FRMPD4: variants seen among roughly 807,000 people sequenced by gnomAD.
The protein encoded by FRMPD4 is FERM and PDZ domain containing 4.
In FRMPD4, 22 loss-of-function variants were observed where a neutral mutation model predicts 94.1. That is an observed-to-expected ratio of 0.23 (90% confidence interval 0.17 to 0.33). FRMPD4 has a LOEUF of 0.33. Ranked by LOEUF, FRMPD4 falls within the 10% of genes least tolerant of loss-of-function variation. The pLI is 1.00. For missense variants in FRMPD4, 1,111 were observed against 1,339.9 expected, an observed-to-expected ratio of 0.83 and a Z score of 2.67; for synonymous variants, 631 against 548.6, an observed-to-expected ratio of 1.15 and a Z score of -2.10.
intron 1 of FRMPD4, among the ~76,000 whole-genome samples, chrX:12,484,202 GA>G (rs1333812627): frequency 8.9e-6 from 1 of 112,089 alleles, no homozygotes; most frequent in Admixed American, 9.4e-5. Context: ...TTTAAAGAAA[GA>G]AAAAAATTAA....
At chrX:12,327,225 T>G (rs1191000400) in intron 1 of FRMPD4, among the ~76,000 whole-genome samples, 1 of 112,687 alleles carries the variant, frequency 8.9e-6, no homozygotes, top group Admixed American at 9.4e-5. Context: ...ACTGAAATCT[T>G]CACCATAATG....
At position 11,965,495 on chromosome X, in the gene FRMPD4, A is replaced by G. The variant is rs188957329; in HGVS notation, c.95+87477A>G. 6.1e-3 allele frequency among the ~76,000 whole-genome samples: 685 copies of G among 112,164 alleles called. 3 individuals carry two copies. The highest frequency in any genetic ancestry group is 0.021 in the African/African-American group (657 of 30,900). Reference sequence around the variant, plus strand: ...ATAACTTATATCAGAGTCTAAAAACATGATTTCTGCCTATTTAGATCAATT... The same window carrying G: ...ATAACTTATATCAGAGTCTAAAAACGTGATTTCTGCCTATTTAGATCAATT... On this transcript the variant is annotated intron_variant, in intron 3 of 18. Transcript: ENST00000640291.
intron 4 of FRMPD4, among the ~76,000 whole-genome samples, chrX:12,631,006 G>C (rs1021583233): frequency 2.7e-5 from 3 of 111,171 alleles, no homozygotes; most frequent in African/African-American, 9.8e-5. Context: ...CTTCAACACA[G>C]AGCTCCCAGT....
intron 3 of FRMPD4, among the ~76,000 whole-genome samples, chrX:11,961,798 A>G (rs780618774): frequency 8.9e-6 from 1 of 111,976 alleles, no homozygotes; most frequent in Non-Finnish European, 1.9e-5. Flanking sequence ...TTTGAGTGTG[A>G]GTCAAACACC....
intron 3 of FRMPD4, among the ~76,000 whole-genome samples, chrX:12,088,778 T>C (rs1011453244): frequency 5.3e-5 from 6 of 112,512 alleles, no homozygotes; most frequent in African/African-American, 1.6e-4. Context: ...TTTGCTCCTT[T>C]TTCCTGTCAG....
intron 1 of FRMPD4, among the ~76,000 whole-genome samples, chrX:12,146,389 G>T: frequency 9.1e-6 from 1 of 109,314 alleles, no homozygotes; most frequent in East Asian, 2.8e-4. Context: ...AAGAAAAAGA[G>T]AACCATATTT....
chrX:11,951,224 C>T (rs1260082561), intron 3 of FRMPD4, among the ~76,000 whole-genome samples: 1 of 111,016 alleles, frequency 9.0e-6, no homozygotes, highest in Admixed American at 9.6e-5. Context: ...CCATTCGACC[C>T]AGCAATCCCA....
rs797005075 is a variant in FRMPD4 at position 12,066,828 on chromosome X, TA to T, written c.95+188821del. On this transcript the variant is annotated intron_variant, in intron 3 of 18. Transcript: ENST00000640291. ...TTCTCTAGTTTATATTCCAAATACCTAAAAAAAAAAACAGAGCAGCAGTCCC... is the reference window on the plus strand; with the variant it reads ...TTCTCTAGTTTATATTCCAAATACCTAAAAAAAAAACAGAGCAGCAGTCCC... Among the ~76,000 whole-genome samples, 693 of 100,063 alleles carry T rather than the reference TA, an allele frequency of 6.9e-3. 3 individuals are homozygous for T. Among genetic ancestry groups the T allele is most frequent in the Middle Eastern group, 0.025 (5 of 204 alleles). 86.9% of individuals were successfully genotyped at this position (100,063 alleles called of 115,157 possible).
intron 3 of FRMPD4, among the ~76,000 whole-genome samples, chrX:12,085,885 A>G (rs2055104978): frequency 8.9e-6 from 1 of 112,001 alleles, no homozygotes. Context: ...AAATTCTGAG[A>G]TTGGACAGAT....
intron 3 of FRMPD4, among the ~76,000 whole-genome samples, chrX:12,076,647 A>T (rs2055021132): frequency 9.1e-6 from 1 of 110,246 alleles, no homozygotes; most frequent in African/African-American, 3.3e-5. Flanking sequence ...GAGATCAAGG[A>T]CCCTCAAAAA....
At chrX:11,890,190 A>G (rs1300862077) in intron 3 of FRMPD4, among the ~76,000 whole-genome samples, 1 of 112,701 alleles carries the variant, frequency 8.9e-6, no homozygotes, top group African/African-American at 3.2e-5. Context: ...ATTTGAGAAA[A>G]TCAAAGTTTA....
chrX:12,461,682 A>G (rs905648795), intron 1 of FRMPD4, among the ~76,000 whole-genome samples: 9 of 111,925 alleles, frequency 8.0e-5, no homozygotes, highest in Non-Finnish European at 1.7e-4. Context: ...CTGAGAGAGG[A>G]TAAATAACCT....
rs137891446 is a variant in FRMPD4, at chrX:12,676,284, G to C, written c.468+1376G>C. 3.2e-3 allele frequency among the ~76,000 whole-genome samples: 364 copies of C among 112,214 alleles called. 1 individual carries two copies. The highest frequency in any genetic ancestry group is 0.011 in the African/African-American group (340 of 30,910). ...ATGTGCTTCTATAAAAAATACAGCT[G>C]GGCTGTTTTTAGATTGTTTTGGTTA... On this transcript the variant is annotated intron_variant, in intron 5 of 16. Coordinates refer to ENST00000675598, the MANE Select transcript of FRMPD4 (RefSeq NM_001368397.1).
At chrX:11,969,844 G>T (rs2147379870) in intron 3 of FRMPD4, among the ~76,000 whole-genome samples, 1 of 111,491 alleles carries the variant, frequency 9.0e-6, no homozygotes, top group South Asian at 3.9e-4. Flanking sequence ...TTAATGAGTT[G>T]CTTTATCCTT....
At chrX:12,352,070 G>C (rs1176839323) in intron 1 of FRMPD4, among the ~76,000 whole-genome samples, 1 of 111,675 alleles carries the variant, frequency 9.0e-6, no homozygotes, top group Admixed American at 9.6e-5. Context: ...CTTTAGTATT[G>C]ACTTCCAGTT....
intron 1 of FRMPD4, among the ~76,000 whole-genome samples, chrX:12,293,662 T>A (rs2054723793): frequency 8.9e-6 from 1 of 112,613 alleles, no homozygotes; most frequent in Admixed American, 9.4e-5. Flanking sequence ...TCAGAACTCA[T>A]ATAGCAGTGC....
At chrX:12,214,258 T>C (rs137994147) in intron 1 of FRMPD4, among the ~76,000 whole-genome samples, 404 of 111,633 alleles carry the variant, frequency 3.6e-3, no homozygotes, top group South Asian at 9.8e-3. Flanking sequence ...TAAACTTGCT[T>C]ACAAATTGCA....
chrX:12,504,302 G>A (rs980338712), intron 2 of FRMPD4, among the ~76,000 whole-genome samples: 2 of 112,597 alleles, frequency 1.8e-5, no homozygotes, highest in Non-Finnish European at 3.8e-5. Context: ...CTCATTTTTT[G>A]TGGGTGTTTT....
At chrX:12,705,438 G>A (rs66467329) in intron 11 of FRMPD4, among the ~76,000 whole-genome samples, 3,534 of 111,581 alleles carry the variant, frequency 0.032, 153 homozygotes, top group African/African-American at 0.11. Context: ...CACTGTTTAC[G>A]TGGAGAACCA....
Sources: gnomAD v4.1 joint callset for allele counts (sites outside exome capture counted in the v4.1 genomes callset) on GRCh38, gnomAD v4.1.1 for gene constraint, MANE v1.5 for transcripts, NCBI Gene and HGNC (gene_info 2026-07-23, HGNC 2026-07-21) for gene names.